The following ZCWPW2 variants were observed in gnomAD, a reference collection of about 807,000 sequenced individuals.
ZCWPW2 encodes the protein zinc finger CW-type and PWWP domain containing 2, also known as zinc finger CW-type PWWP domain protein 2.
A neutral mutation model predicts 46.6 loss-of-function variants in ZCWPW2; 45 were observed. The ratio of observed to expected loss-of-function variants is 0.96; its 90% CI spans 0.76 to 1.24. The LOEUF (loss-of-function observed/expected upper bound fraction) is 1.24, where lower values mean the gene tolerates loss of function less well. Ranked by LOEUF, ZCWPW2 falls within the 50% of genes most tolerant of loss-of-function variation. The probability of loss-of-function intolerance (pLI) is 0.00; values close to 1 mark genes in which losing one functional copy is unlikely to be tolerated. For synonymous variants in ZCWPW2, 152 were observed against 137.1 expected (o/e 1.11, Z -0.76); for missense variants, 429 against 403.9 (o/e 1.06, Z -0.53).
chr3:28,440,119 T>C lies in ZCWPW2; in HGVS notation c.492+4850T>C, dbSNP rs2125769074. Among the ~76,000 whole-genome samples the C allele has an allele frequency of 1.3e-5, 2 of 152,188 alleles. 1 individual carries two copies. The highest frequency in any genetic ancestry group is 3.9e-4 in the East Asian group (2 of 5,190). On this transcript the variant is annotated intron_variant, in intron 4 of 9. Coordinates refer to ENST00000383768, the MANE Select transcript of ZCWPW2 (RefSeq NM_001040432.4). ...ATGGTAATACTAAGACAAACTCTCA[T>C]AGATCTCCTGTATTCCATGCATACT...
intron 4 of ZCWPW2, among the ~76,000 whole-genome samples, chr3:28,459,861 G>A (rs1698561480): frequency 6.6e-6 from 1 of 152,070 alleles, no homozygotes; most frequent in Non-Finnish European, 1.5e-5. Flanking sequence ...ATTGCCACAT[G>A]TAGCAGTTGT....
At chr3:28,516,097 G>A (rs1331937833) in intron 8 of ZCWPW2, among the ~76,000 whole-genome samples, 1 of 151,664 alleles carries the variant, frequency 6.6e-6, no homozygotes, top group Non-Finnish European at 1.5e-5. Flanking sequence ...AAAATTAGCT[G>A]GCCGTGGTGG....
At chr3:28,486,955 C>T (rs553587535) in intron 5 of ZCWPW2, among the ~76,000 whole-genome samples, 5 of 150,714 alleles carry the variant, frequency 3.3e-5, no homozygotes, top group South Asian at 2.1e-4. Context: ...ACTCTTTTAT[C>T]GATTGCATGG....
In ZCWPW2 at chr3:28,525,465, T is replaced by TCTTGCATTACATACACTGAA. The variant is rs60365509; in HGVS notation, c.*777_*778insCTTGCATTACATACACTGAA. On this transcript the variant is annotated 3_prime_UTR_variant, in exon 10 of 10. Coordinates refer to ENST00000383768, the MANE Select transcript of ZCWPW2 (RefSeq NM_001040432.4). ...CAGTTTTAGTAGATATCCTTCTAGATATGTGTGGGCATTCACACCTATCTT... is the reference window on the plus strand; with the variant it reads ...CAGTTTTAGTAGATATCCTTCTAGATCTTGCATTACATACACTGAAATGTGTGGGCATTCACACCTATCTT... Among the ~76,000 whole-genome samples the TCTTGCATTACATACACTGAA allele has an allele frequency of 1.3e-5, 2 of 151,948 alleles. No homozygotes were observed. Among genetic ancestry groups the TCTTGCATTACATACACTGAA allele is most frequent in the Non-Finnish European group, 2.9e-5 (2 of 67,952 alleles).
intron 2 of ZCWPW2, among the ~76,000 whole-genome samples, chr3:28,404,251 C>A (rs1286028682): frequency 1.3e-5 from 2 of 150,524 alleles, no homozygotes; most frequent in African/African-American, 4.9e-5. Context: ...AAGAGATATA[C>A]AAATGACCAA....
intron 4 of ZCWPW2, among the ~76,000 whole-genome samples, chr3:28,435,651 A>C (rs776218782): frequency 3.3e-5 from 5 of 151,890 alleles, no homozygotes; most frequent in Non-Finnish European, 7.4e-5. Context: ...ATGCACGGCT[A>C]ATTTTTTTGT....
chr3:28,391,475 A>G (rs1195710434), intron 2 of ZCWPW2, among the ~76,000 whole-genome samples: 2 of 152,114 alleles, frequency 1.3e-5, no homozygotes, highest in Non-Finnish European at 2.9e-5. Flanking sequence ...ACATCCAGCA[A>G]TGCAGTGGAA....
Position 28,510,260 on chromosome 3 carries a change from C to T in ZCWPW2, c.658-3804C>T, listed in dbSNP as rs556681843. Among the ~76,000 whole-genome samples the T allele has an allele frequency of 5.9e-5, 9 of 152,258 alleles. No individual in the cohort carries two copies. In the South Asian group the frequency reaches 1.7e-3, roughly 28 times the overall value. ...AGATGTGACCACCTTCTTTTAGCTA[C>T]ACCCTTTGCAATTGCTCCTTCTAAA... On this transcript the variant is annotated intron_variant, in intron 6 of 9. Coordinates refer to ENST00000383768, the MANE Select transcript of ZCWPW2 (RefSeq NM_001040432.4).
intron 1 of ZCWPW2, among the ~76,000 whole-genome samples, chr3:28,379,744 A>T (rs960199690): frequency 6.6e-6 from 1 of 152,248 alleles, no homozygotes; most frequent in African/African-American, 2.4e-5. Context: ...ATATCTCACA[A>T]TAAAGTTGTT....
chr3:28,414,573 C>A (rs1371296483), intron 3 of ZCWPW2, among the ~76,000 whole-genome samples: 1 of 146,026 alleles, frequency 6.8e-6, no homozygotes, highest in South Asian at 2.2e-4. Context: ...CGTCATTTAG[C>A]GTTAGGTATA....
At chr3:28,435,732 C>T (rs552070049) in intron 4 of ZCWPW2, among the ~76,000 whole-genome samples, 17 of 152,030 alleles carry the variant, frequency 1.1e-4, no homozygotes, top group South Asian at 8.3e-4. Flanking sequence ...GTGATCAGCC[C>T]GCCCCGGCCT....
In ZCWPW2 at chr3:28,517,041, T is replaced by C. The variant is rs1405236664; in HGVS notation, c.784+1420T>C. On this transcript the variant is annotated intron_variant, in intron 8 of 9. Transcript: ENST00000383768. ...TTAAAAAATAACTTCTTTTTTTACA[T>C]CCAGAATGTAAAGTAGGAAAAGTTT... Among the ~76,000 whole-genome samples, 3 of 152,150 alleles carry C rather than the reference T, an allele frequency of 2.0e-5. 1 individual carries two copies. The highest frequency in any genetic ancestry group is 7.2e-5 in the African/African-American group (3 of 41,434).
chr3:28,360,023 G>A (rs1021680772), intron 1 of ZCWPW2, among the ~76,000 whole-genome samples: 1 of 151,956 alleles, frequency 6.6e-6, no homozygotes, highest in Non-Finnish European at 1.5e-5. Flanking sequence ...AATATAAGTA[G>A]ACTACTCGAA....
intron 2 of ZCWPW2, among the ~76,000 whole-genome samples, chr3:28,404,438 A>G (rs1477564062): frequency 6.6e-6 from 1 of 152,026 alleles, no homozygotes; most frequent in South Asian, 2.1e-4. Flanking sequence ...AATGTAAACT[A>G]GTACAACCAC....
intron 9 of ZCWPW2, among the ~76,000 whole-genome samples, chr3:28,521,491 C>T (rs1258635517): frequency 6.6e-6 from 1 of 152,166 alleles, no homozygotes; most frequent in African/African-American, 2.4e-5. Flanking sequence ...GGAAAATCTG[C>T]CCCGTCTGGA....
intron 5 of ZCWPW2, among the ~76,000 whole-genome samples, chr3:28,485,263 G>A (rs1042261610): frequency 2.0e-5 from 3 of 151,918 alleles, no homozygotes; most frequent in Non-Finnish European, 4.4e-5. Flanking sequence ...TCTGTGAGAG[G>A]ACATTGTATT....
intron 1 of ZCWPW2, among the ~76,000 whole-genome samples, chr3:28,387,743 C>T (rs930814334): frequency 3.9e-5 from 6 of 152,158 alleles, no homozygotes; most frequent in African/African-American, 1.4e-4. Context: ...CCCACTATAA[C>T]AATGATTAAA....
chr3:28,357,563 C>T (rs1704783108), intron 1 of ZCWPW2, among the ~76,000 whole-genome samples: 1 of 151,890 alleles, frequency 6.6e-6, no homozygotes, highest in African/African-American at 2.4e-5. Flanking sequence ...CAAAGGTAGA[C>T]AAAGGGAGAA....
rs1004844772 is a variant in ZCWPW2, at chr3:28,525,695, G to T, written c.*1007G>T. ...ACAAATAAGACACCAAACAACCAAC[G>T]TGTCACTCATTGAGTGGGTTGCTTC... is the stretch of plus-strand genomic sequence containing the variant. On this transcript the variant is annotated 3_prime_UTR_variant, in exon 10 of 10. Transcript: ENST00000383768. 1.3e-5 allele frequency among the ~76,000 whole-genome samples: 2 copies of T among 152,138 alleles called. No homozygotes were observed. The highest frequency in any genetic ancestry group is 2.9e-5 in the Non-Finnish European group (2 of 68,018).
Sources: gnomAD v4.1 joint callset for allele counts (sites outside exome capture counted in the v4.1 genomes callset) on GRCh38, gnomAD v4.1.1 for gene constraint, MANE v1.5 for transcripts, NCBI Gene and HGNC (gene_info 2026-07-23, HGNC 2026-07-21) for gene names.